The following MALRD1 variants were observed in gnomAD, a reference collection of about 807,000 sequenced individuals.
MALRD1 encodes the protein MAM and LDL receptor class A domain containing 1, also known as MAM and LDL-receptor class A domain-containing protein 1.
A neutral mutation model predicts 242.1 loss-of-function variants in MALRD1; 247 were observed. That is an observed-to-expected ratio of 1.02 (90% confidence interval 0.92 to 1.13). MALRD1 has a LOEUF of 1.13. Ranked by LOEUF, MALRD1 falls within the 50% of genes most tolerant of loss-of-function variation. The pLI, the probability that MALRD1 is intolerant of heterozygous loss-of-function variation, is 0.00. For synonymous variants in MALRD1, 995 were observed against 866.6 expected (o/e 1.15, Z -2.60); for missense variants, 2,989 against 2,533.1 (o/e 1.18, Z -3.86).
At chr10:19,349,213 G>C (rs2130987834) in intron 25 of MALRD1, among the ~76,000 whole-genome samples, 1 of 152,196 alleles carries the variant, frequency 6.6e-6, no homozygotes, top group South Asian at 2.1e-4. Context: ...TGCCCACCTT[G>C]ACCTCCCAAA....
At chr10:19,233,189 A>G (rs1408269942) in intron 18 of MALRD1, among the ~76,000 whole-genome samples, 1 of 152,146 alleles carries the variant, frequency 6.6e-6, no homozygotes, top group African/African-American at 2.4e-5. Context: ...CCCCTCAAGC[A>G]TTTATCCTCT....
intron 31 of MALRD1, among the ~76,000 whole-genome samples, chr10:19,519,531 G>A (rs903054610): frequency 1.3e-5 from 2 of 152,132 alleles, no homozygotes; most frequent in African/African-American, 4.8e-5. Flanking sequence ...GCAGGCCGTC[G>A]CAGGAGGCAG....
intron 18 of MALRD1, among the ~76,000 whole-genome samples, chr10:19,231,264 G>T (rs1838054533): frequency 6.6e-6 from 1 of 152,146 alleles, no homozygotes; most frequent in African/African-American, 2.4e-5. Flanking sequence ...TGTTGTGACT[G>T]CCTCACATCT....
At chr10:19,565,337 A>C (rs1439833213) in intron 32 of MALRD1, among the ~76,000 whole-genome samples, 1 of 152,192 alleles carries the variant, frequency 6.6e-6, no homozygotes, top group African/African-American at 2.4e-5. Flanking sequence ...CTGTAAAACC[A>C]ATAAAAATAG....
chr10:19,303,422 A>T (rs946881624), intron 21 of MALRD1, among the ~76,000 whole-genome samples: 4 of 151,768 alleles, frequency 2.6e-5, no homozygotes, highest in Non-Finnish European at 5.9e-5. Flanking sequence ...ACAGATATAA[A>T]TAGAAAAACT....
chr10:19,493,236 G>A (rs1837567489), intron 30 of MALRD1: 1 of 151,892 alleles, frequency 6.6e-6, no homozygotes, highest in Admixed American at 6.6e-5. Flanking sequence ...TTCTATTCTA[G>A]GTACCTCATA....
At position 19,274,746 on chromosome 10, in the gene MALRD1, C is replaced by G. The variant is rs545246637; in HGVS notation, c.3080-5301C>G. On this transcript the variant is annotated intron_variant, in intron 19 of 39. Transcript: ENST00000454679. ...TCAGGAAAGTACAACCATTGTAGGA[C>G]TCAACTCATATGAATTATTTAAGGT... Among the ~76,000 whole-genome samples, 14 of 152,200 alleles carry G rather than the reference C, an allele frequency of 9.2e-5. 1 individual carries two copies. The South Asian group carries it at 2.3e-3, about 25-fold the overall frequency.
intron 36 of MALRD1, among the ~76,000 whole-genome samples, chr10:19,619,554 A>G (rs1207632713): frequency 6.6e-6 from 1 of 152,070 alleles, no homozygotes; most frequent in Non-Finnish European, 1.5e-5. Flanking sequence ...TACAAATTAC[A>G]CATGATATAA....
At chr10:19,097,643 A>G (rs1232734368) in intron 4 of MALRD1, among the ~76,000 whole-genome samples, 4 of 152,178 alleles carry the variant, frequency 2.6e-5, no homozygotes, top group African/African-American at 4.8e-5. Flanking sequence ...AGTGAGGGCT[A>G]GGAAAATGAG....
chr10:19,230,869 T>A (rs1838024105), intron 18 of MALRD1, among the ~76,000 whole-genome samples: 1 of 152,236 alleles, frequency 6.6e-6, no homozygotes, highest in Non-Finnish European at 1.5e-5. Context: ...GATTTTATTT[T>A]ATCTTTTTAA....
intron 18 of MALRD1, among the ~76,000 whole-genome samples, chr10:19,242,000 G>T (rs990523878): frequency 8.5e-5 from 13 of 152,078 alleles, no homozygotes; most frequent in African/African-American, 2.9e-4. Context: ...GAGAATGTTT[G>T]GTGTACAGTT....
chr10:19,584,385 C>A (rs1000050597), intron 33 of MALRD1, among the ~76,000 whole-genome samples: 1 of 152,070 alleles, frequency 6.6e-6, no homozygotes, highest in Non-Finnish European at 1.5e-5. Flanking sequence ...TCCCTCTACA[C>A]ACTGCTTTGA....
chr10:19,306,312 C>A (rs1340155424), intron 21 of MALRD1, among the ~76,000 whole-genome samples: 1 of 133,014 alleles, frequency 7.5e-6, no homozygotes, highest in Non-Finnish European at 1.6e-5. Context: ...GTATATATAC[C>A]GTATATAGTA....
intron 36 of MALRD1, among the ~76,000 whole-genome samples, chr10:19,654,569 T>C (rs966967002): frequency 1.3e-4 from 20 of 152,192 alleles, no homozygotes; most frequent in African/African-American, 4.8e-4. Flanking sequence ...CCTTTGCTGG[T>C]AGTAAATGAC....
intron 13 of MALRD1, among the ~76,000 whole-genome samples, chr10:19,171,525 TACAC>T (rs549744531): frequency 5.6e-5 from 8 of 141,966 alleles, no homozygotes; most frequent in African/African-American, 1.0e-4. Flanking sequence ...TGTATATAAA[TACAC>T]ACACACATAT....
At chr10:19,632,238 G>A (rs77185856) in intron 36 of MALRD1, among the ~76,000 whole-genome samples, 2 of 152,264 alleles carry the variant, frequency 1.3e-5, no homozygotes, top group African/African-American at 4.8e-5. Flanking sequence ...TGTAGTTGGA[G>A]GACAACCTGG....
intron 19 of MALRD1, among the ~76,000 whole-genome samples, chr10:19,264,614 C>A (rs907507961): frequency 6.6e-6 from 1 of 151,996 alleles, no homozygotes; most frequent in Non-Finnish European, 1.5e-5. Flanking sequence ...CCACCATGCC[C>A]AGCTAATTTT....
At chr10:19,325,504 A>G (rs2130902186) in intron 22 of MALRD1, among the ~76,000 whole-genome samples, 1 of 151,728 alleles carries the variant, frequency 6.6e-6, no homozygotes, top group South Asian at 2.1e-4. Flanking sequence ...GTCTTCCCAT[A>G]CTGTATATGC....
chr10:19,072,979 A>T (rs1242009325), intron 2 of MALRD1, among the ~76,000 whole-genome samples: 1 of 151,612 alleles, frequency 6.6e-6, no homozygotes, highest in Non-Finnish European at 1.5e-5. Context: ...CAGTGGCATG[A>T]TCTCATCTTA....
Sources: allele counts gnomAD v4.1 joint callset (sites outside exome capture counted in the v4.1 genomes callset), GRCh38; gene constraint gnomAD v4.1.1; transcripts MANE v1.5; gene names NCBI Gene and HGNC (gene_info 2026-07-23, HGNC 2026-07-21).